Variants in FSTL5 observed in about 807,000 individuals in gnomAD.
The protein encoded by FSTL5 is follistatin like 5, also known as follistatin-related protein 5.
FSTL5 carries 62 observed loss-of-function variants against 89.1 expected under a neutral mutation model. That is an observed-to-expected ratio of 0.70 (90% CI 0.57 to 0.86). The LOEUF is 0.86. Ranked by LOEUF, FSTL5 falls within the 40% of genes least tolerant of loss-of-function variation. FSTL5 has a pLI of 0.00. For missense variants in FSTL5, 1,057 were observed against 1,001.6 expected (o/e 1.06, Z -0.75); for synonymous variants, 383 against 346.2 (o/e 1.11, Z -1.18).
intron 6 of FSTL5, among the ~76,000 whole-genome samples, chr4:161,741,449 A>T (rs1740025084): frequency 6.6e-6 from 1 of 152,086 alleles, no homozygotes; most frequent in African/African-American, 2.4e-5. Flanking sequence ...CTAGAAGCTG[A>T]ACGCAGCCCT....
intron 4 of FSTL5, among the ~76,000 whole-genome samples, chr4:161,778,024 G>A (rs893895570): frequency 3.9e-5 from 6 of 152,056 alleles, no homozygotes; most frequent in Middle Eastern, 3.4e-3. Context: ...AACCCCGGAG[G>A]CAGAGGTTGC....
chr4:161,958,276 T>C (rs1407234661), intron 3 of FSTL5, among the ~76,000 whole-genome samples: 2 of 152,088 alleles, frequency 1.3e-5, no homozygotes, highest in Non-Finnish European at 2.9e-5. Flanking sequence ...TTCTTTAATG[T>C]CCATATCTAC....
chr4:161,815,651 G>A (rs1413013136), intron 4 of FSTL5, among the ~76,000 whole-genome samples: 1 of 152,010 alleles, frequency 6.6e-6, no homozygotes, highest in Non-Finnish European at 1.5e-5. Context: ...AGTTAAGTCA[G>A]TAGTTATACA....
chr4:161,920,666 A>C lies in FSTL5; in HGVS notation c.161-14T>G. 1.3e-6 allele frequency: 2 copies of C among 1,596,288 alleles called. No individual in the cohort carries two copies. The highest frequency in any genetic ancestry group is 2.7e-5 in the African/African-American group (2 of 73,568). On this transcript the variant is annotated splice_polypyrimidine_tract_variant and intron_variant, in intron 3 of 15. Coordinates refer to ENST00000306100, the MANE Select transcript of FSTL5 (RefSeq NM_020116.5). ...GAATCATAAATCCTGAAGAATTAAA[A>C]AAAAATTGAAAATCGTTTGGTTCAT...
intron 6 of FSTL5, among the ~76,000 whole-genome samples, chr4:161,658,332 G>A (rs927764461): frequency 1.3e-5 from 2 of 151,882 alleles, no homozygotes; most frequent in East Asian, 1.9e-4. Context: ...TGTGGCTCAC[G>A]CCTGTAGTCC....
Position 161,693,636 on chromosome 4 carries a change from C to CTTTTTTT in FSTL5, c.728-37149_728-37143dup, listed in dbSNP as rs5863476. On this transcript the variant is annotated intron_variant, in intron 6 of 15. Transcript: ENST00000306100. ...ATGTTGATAGTATTTTCTTGTAAAT[C>CTTTTTTT]TTTTTTTTTTTTTTTTTTTTGAGAC... is the stretch of plus-strand genomic sequence containing the variant. Among the ~76,000 whole-genome samples the CTTTTTTT allele has an allele frequency of 1.0e-4, 11 of 105,286 alleles. 1 individual carries two copies. In the East Asian group the frequency reaches 1.5e-3, roughly 15 times the overall value. 69.1% of individuals were successfully genotyped at this position (105,286 alleles called of 152,430 possible). A position where few individuals can be genotyped will look rare whatever the true frequency, so the allele number is the denominator to read the frequency against.
At chr4:161,938,253 TC>T (rs1365427171) in intron 3 of FSTL5, among the ~76,000 whole-genome samples, 2 of 152,108 alleles carry the variant, frequency 1.3e-5, no homozygotes, top group African/African-American at 2.4e-5. Context: ...ATCTTTTTGT[TC>T]AAAAACTGTA....
intron 4 of FSTL5, among the ~76,000 whole-genome samples, chr4:161,779,058 A>T (rs1431535063): frequency 6.6e-6 from 1 of 152,192 alleles, no homozygotes; most frequent in Non-Finnish European, 1.5e-5. Context: ...TTGGCGAGAG[A>T]TGGATGGGAA....
At position 161,592,432 on chromosome 4, in the gene FSTL5, C is replaced by A. The variant is rs201390904; in HGVS notation, c.895-4857G>T. 1.9e-4 allele frequency among the ~76,000 whole-genome samples: 29 copies of A among 152,058 alleles called. No individual in the cohort carries two copies. In the East Asian group the frequency reaches 5.5e-3, roughly 29 times the overall value. Reference sequence around the variant, plus strand: ...TAATGCTATCCCTCCCCTAGCCCCCCACCCCTGAGAGACCCCAATGTGTGA... The same window carrying A: ...TAATGCTATCCCTCCCCTAGCCCCCAACCCCTGAGAGACCCCAATGTGTGA... On this transcript the variant is annotated intron_variant, in intron 7 of 15. Coordinates refer to ENST00000306100, the MANE Select transcript of FSTL5 (RefSeq NM_020116.5).
intron 1 of FSTL5, among the ~76,000 whole-genome samples, chr4:162,161,652 T>G (rs1296655128): frequency 6.6e-6 from 1 of 151,958 alleles, no homozygotes; most frequent in Non-Finnish European, 1.5e-5. Context: ...ACATACATCT[T>G]GGAAAACTTT....
chr4:161,429,943 C>T (rs1732296464), intron 15 of FSTL5, among the ~76,000 whole-genome samples: 4 of 152,076 alleles, frequency 2.6e-5, no homozygotes, highest in Admixed American at 2.0e-4. Context: ...ACCTTTCAGA[C>T]ACATCATTCA....
At chr4:161,482,591 G>A (rs191363905) in intron 12 of FSTL5, among the ~76,000 whole-genome samples, 23 of 152,186 alleles carry the variant, frequency 1.5e-4, no homozygotes, top group African/African-American at 5.5e-4. Flanking sequence ...CTATCACCAA[G>A]CGTTTATTTT....
At chr4:161,417,320 T>C (rs191881152) in intron 15 of FSTL5, among the ~76,000 whole-genome samples, 4 of 152,368 alleles carry the variant, frequency 2.6e-5, no homozygotes, top group Admixed American at 1.3e-4. Flanking sequence ...ACTCTTCCTG[T>C]TAATGCAACC....
At chr4:161,645,745 T>G (rs1578992217) in intron 7 of FSTL5, among the ~76,000 whole-genome samples, 1 of 152,150 alleles carries the variant, frequency 6.6e-6, no homozygotes. Flanking sequence ...GCTATGCCAA[T>G]GCTCCCTGCT....
At chr4:161,851,695 AT>A (rs1358485246) in intron 4 of FSTL5, among the ~76,000 whole-genome samples, 2 of 152,088 alleles carry the variant, frequency 1.3e-5, no homozygotes, top group Non-Finnish European at 2.9e-5. Context: ...AAATTTTATA[AT>A]AACTCTGAAA....
intron 7 of FSTL5, among the ~76,000 whole-genome samples, chr4:161,642,511 C>T (rs1010742003): frequency 6.6e-6 from 1 of 151,796 alleles, no homozygotes; most frequent in Non-Finnish European, 1.5e-5. Context: ...CTAATAGTAA[C>T]CAAAATACAG....
intron 13 of FSTL5, among the ~76,000 whole-genome samples, chr4:161,464,028 T>C (rs1733666805): frequency 6.6e-6 from 1 of 152,176 alleles, no homozygotes; most frequent in African/African-American, 2.4e-5. Context: ...AGGCAAGTCA[T>C]GACAGTAATC....
chr4:161,922,482 T>C (rs951107868), intron 3 of FSTL5, among the ~76,000 whole-genome samples: 2 of 151,986 alleles, frequency 1.3e-5, no homozygotes, highest in African/African-American at 4.8e-5. Context: ...TCTTGAATTT[T>C]GGCATGCTTA....
Position 161,602,495 on chromosome 4 carries a change from A to G in FSTL5, c.895-14920T>C, listed in dbSNP as rs533787643. Among the ~76,000 whole-genome samples, 5 of 152,316 alleles carry G rather than the reference A, an allele frequency of 3.3e-5. No individual in the cohort carries two copies. The South Asian group carries it at 1.0e-3, about 32-fold the overall frequency. ...AATACGTACCATGGGAATCACCAAAAGAGGGAAAATAGAGATTGGAATATT... is the reference window on the plus strand; with the variant it reads ...AATACGTACCATGGGAATCACCAAAGGAGGGAAAATAGAGATTGGAATATT... On this transcript the variant is annotated intron_variant, in intron 7 of 15. Coordinates refer to ENST00000306100, the MANE Select transcript of FSTL5 (RefSeq NM_020116.5).
Sources: gnomAD v4.1 joint callset for allele counts (sites outside exome capture counted in the v4.1 genomes callset) on GRCh38, gnomAD v4.1.1 for gene constraint, MANE v1.5 for transcripts, NCBI Gene and HGNC (gene_info 2026-07-23, HGNC 2026-07-21) for gene names.